PTGFR: variants seen among roughly 807,000 people sequenced by gnomAD.
PTGFR encodes prostaglandin F2-alpha receptor.
Under a neutral mutation model 26.2 loss-of-function variants are expected in PTGFR, and 15 were observed. The observed-to-expected ratio is 0.57, with a 90% confidence interval of 0.38 to 0.88. The LOEUF is 0.88. Among genes scored for constraint, PTGFR ranks in the 40% least tolerant of loss-of-function variants. The pLI is 0.00. For missense variants in PTGFR, 369 were observed against 427.2 expected, an observed-to-expected ratio of 0.86 and a Z score of 1.20; for synonymous variants, 165 against 151.1, an observed-to-expected ratio of 1.09 and a Z score of -0.68.
At chr1:78,497,167 G>A (rs1209617704) in intron 2 of PTGFR, among the ~76,000 whole-genome samples, 2 of 152,020 alleles carry the variant, frequency 1.3e-5, no homozygotes, top group African/African-American at 4.8e-5. Context: ...TAATTGAAAT[G>A]TAGAAATGTA....
At position 78,539,151 on chromosome 1, in the gene PTGFR, C is replaced by T. The variant is rs1463421932; in HGVS notation, c.*2464C>T. On this transcript the variant is annotated 3_prime_UTR_variant, in exon 3 of 3. Coordinates refer to ENST00000370757, the MANE Select transcript of PTGFR (RefSeq NM_000959.4). ...GTTAACTAGGTGAAAGAAATGGGCC[C>T]TTATTTTTTTTTTTCCCTAGAGGCA... 1.3e-5 allele frequency: 2 copies of T among 151,608 alleles called. No individual in the cohort carries two copies. Among genetic ancestry groups the T allele is most frequent in the East Asian group, 1.9e-4 (1 of 5,164 alleles). The allele number at this position is 151,608 out of a possible 1,614,324, so 9.4% of individuals were successfully genotyped here.
intron 2 of PTGFR, among the ~76,000 whole-genome samples, chr1:78,524,298 C>A (rs1307238607): frequency 6.6e-6 from 1 of 151,922 alleles, no homozygotes; most frequent in Non-Finnish European, 1.5e-5. Context: ...CAAGAGTAAT[C>A]CATTTGGTAT....
rs565387424 is a variant in PTGFR, at chr1:78,537,922, A to G, written c.*1235A>G. On this transcript the variant is annotated 3_prime_UTR_variant, in exon 3 of 3. Coordinates refer to ENST00000370757, the MANE Select transcript of PTGFR (RefSeq NM_000959.4). ...CAAAAGAATTTCAATACCCATTCAA[A>G]TTGTCCTAGGTCTATCAGAAATTAG... The G allele has an allele frequency of 6.6e-6, 1 of 152,254 alleles. No homozygotes were observed. The highest frequency in any genetic ancestry group is 2.4e-5 in the African/African-American group (1 of 41,566). The allele number at this position is 152,254 out of a possible 1,614,324, so 9.4% of individuals were successfully genotyped here.
At chr1:78,529,230 A>C (rs906806843) in intron 2 of PTGFR, among the ~76,000 whole-genome samples, 3 of 152,150 alleles carry the variant, frequency 2.0e-5, no homozygotes, top group African/African-American at 7.2e-5. Context: ...TTGCTATTAA[A>C]ACGACGTTGC....
chr1:78,509,463 C>G (rs1298263989), intron 2 of PTGFR, among the ~76,000 whole-genome samples: 1 of 152,164 alleles, frequency 6.6e-6, no homozygotes, highest in Non-Finnish European at 1.5e-5. Context: ...ATATAAAGAA[C>G]TGTATGAGTG....
intron 2 of PTGFR, among the ~76,000 whole-genome samples, chr1:78,533,163 T>G (rs1650564177): frequency 6.6e-6 from 1 of 152,168 alleles, no homozygotes; most frequent in Non-Finnish European, 1.5e-5. Flanking sequence ...ATAAGACTAG[T>G]ATTATTTTAA....
At chr1:78,507,096 T>A (rs1202772812) in intron 2 of PTGFR, among the ~76,000 whole-genome samples, 2 of 152,194 alleles carry the variant, frequency 1.3e-5, no homozygotes, top group East Asian at 3.8e-4. Flanking sequence ...TCAGAATTTA[T>A]ATATAATATT....
chr1:78,492,356 T>G lies in PTGFR; in HGVS notation c.-72-316T>G, dbSNP rs1314787764. 3.3e-5 allele frequency among the ~76,000 whole-genome samples: 5 copies of G among 152,272 alleles called. No individual in the cohort carries two copies. The East Asian group carries it at 9.6e-4, about 29-fold the overall frequency. On this transcript the variant is annotated intron_variant, in intron 1 of 2. Coordinates refer to ENST00000370757, the MANE Select transcript of PTGFR (RefSeq NM_000959.4). ...ATCTTATTGGGTTTAAATCTAATCT[T>G]GGTAGCGATTTTGTAAAATTTGAAA...
chr1:78,531,776 G>C (rs622346), intron 2 of PTGFR, among the ~76,000 whole-genome samples: 42,103 of 151,820 alleles, frequency 0.28, 6,552 homozygotes, highest in African/African-American at 0.42. Flanking sequence ...CCCAACTCAA[G>C]TGTAGGAGTC....
At chr1:78,506,048 T>C (rs1201034131) in intron 2 of PTGFR, among the ~76,000 whole-genome samples, 1 of 152,210 alleles carries the variant, frequency 6.6e-6, no homozygotes, top group Non-Finnish European at 1.5e-5. Flanking sequence ...TTTGGGTATA[T>C]GACTAGGAGT....
rs1056314751 is a variant in PTGFR at position 78,537,007 on chromosome 1, T to G, written c.*320T>G. 3 of 260,680 alleles carry G rather than the reference T, an allele frequency of 1.2e-5. No individual in the cohort carries two copies. The highest frequency in any genetic ancestry group is 1.8e-4 in the East Asian group (2 of 11,224). 16.1% of individuals were successfully genotyped at this position (260,680 alleles called of 1,614,324 possible). On this transcript the variant is annotated 3_prime_UTR_variant, in exon 3 of 3. Transcript: ENST00000370757. ...TGAGGTCTAATGCCTTTACTTGGCC[T>G]ATTTGCCAGAGAACATCTTAATGCA...
chr1:78,501,141 A>C (rs1649695403), intron 2 of PTGFR, among the ~76,000 whole-genome samples: 1 of 152,182 alleles, frequency 6.6e-6, no homozygotes. Flanking sequence ...ACCCTCAAGG[A>C]TATAAAAATC....
Position 78,500,061 on chromosome 1 carries a change from ATT to A in PTGFR, c.798+6529_798+6530del, listed in dbSNP as rs35204108. On this transcript the variant is annotated intron_variant, in intron 2 of 2. Coordinates refer to ENST00000370757, the MANE Select transcript of PTGFR (RefSeq NM_000959.4). Reference sequence around the variant, plus strand: ...CAGCCACACATTTTTTTCATAATGTATTTTTTTTTTGGTATTTTATCTCTGAG... The same window carrying A: ...CAGCCACACATTTTTTTCATAATGTATTTTTTTTGGTATTTTATCTCTGAG... Among the ~76,000 whole-genome samples the A allele has an allele frequency of 2.0e-5, 3 of 150,304 alleles. No individual in the cohort carries two copies. The South Asian group carries it at 6.3e-4, about 32-fold the overall frequency.
At chr1:78,519,303 G>A (rs561571815) in intron 2 of PTGFR, among the ~76,000 whole-genome samples, 53 of 152,190 alleles carry the variant, frequency 3.5e-4, no homozygotes, top group Admixed American at 8.5e-4. Flanking sequence ...TAGTTGCCAC[G>A]TGTCCTTCGG....
intron 2 of PTGFR, among the ~76,000 whole-genome samples, chr1:78,501,508 G>C (rs866737317): frequency 2.1e-4 from 32 of 152,280 alleles, no homozygotes; most frequent in Admixed American, 8.5e-4. Context: ...CCATAGAAGA[G>C]TGAATACAAT....
At chr1:78,521,321 T>C (rs1167038124) in intron 2 of PTGFR, among the ~76,000 whole-genome samples, 2 of 152,130 alleles carry the variant, frequency 1.3e-5, no homozygotes, top group Non-Finnish European at 2.9e-5. Context: ...CACTTGACAA[T>C]TATAAGGTAT....
chr1:78,491,975 G>A (rs1252725387), intron 1 of PTGFR, among the ~76,000 whole-genome samples: 5 of 152,186 alleles, frequency 3.3e-5, no homozygotes, highest in Non-Finnish European at 5.9e-5. Context: ...GATCTTGGCC[G>A]AGGTGCACAG....
chr1:78,501,709 C>T (rs1649710524), intron 2 of PTGFR, among the ~76,000 whole-genome samples: 1 of 152,152 alleles, frequency 6.6e-6, no homozygotes, highest in Non-Finnish European at 1.5e-5. Flanking sequence ...GTCAAGTCTT[C>T]CTTTGAGAAT....
At chr1:78,534,236 G>C (rs1650590984) in intron 2 of PTGFR, among the ~76,000 whole-genome samples, 1 of 152,148 alleles carries the variant, frequency 6.6e-6, no homozygotes, top group African/African-American at 2.4e-5. Context: ...TGGAATACAA[G>C]TGCGGGTGGG....
Sources: allele counts gnomAD v4.1 joint callset (sites outside exome capture counted in the v4.1 genomes callset), GRCh38; gene constraint gnomAD v4.1.1; transcripts MANE v1.5; gene names NCBI Gene and HGNC (gene_info 2026-07-23, HGNC 2026-07-21).